Variants in SLC12A1 observed in about 807,000 individuals in gnomAD.
SLC12A1 encodes the protein solute carrier family 12 member 1, also known as Na-K-2Cl cotransporter.
In SLC12A1, 89 loss-of-function variants were observed where a neutral mutation model predicts 130.4. The ratio of observed to expected loss-of-function variants is 0.68; its 90% CI spans 0.58 to 0.81. The LOEUF is 0.81. Among genes scored for constraint, SLC12A1 ranks in the 40% least tolerant of loss-of-function variants. The pLI is 0.00. For synonymous variants in SLC12A1, 499 were observed against 460.0 expected (o/e 1.08, Z -1.09); for missense variants, 1,310 against 1,336.4 (o/e 0.98, Z 0.31).
At chr15:48,279,253 G>T (rs551047650) in intron 20 of SLC12A1, among the ~76,000 whole-genome samples, 1 of 152,146 alleles carries the variant, frequency 6.6e-6, no homozygotes, top group Non-Finnish European at 1.5e-5. Flanking sequence ...ATATTATGCT[G>T]TAATTCAGGG....
At chr15:48,245,735 T>C (rs1375859620) in intron 11 of SLC12A1, among the ~76,000 whole-genome samples, 1 of 152,240 alleles carries the variant, frequency 6.6e-6, no homozygotes, top group Non-Finnish European at 1.5e-5. Context: ...GACATACAGA[T>C]GCCTGGATCT....
chr15:48,301,709 C>A (rs113630041), intron 26 of SLC12A1, among the ~76,000 whole-genome samples: 2 of 152,022 alleles, frequency 1.3e-5, no homozygotes, highest in Admixed American at 1.3e-4. Context: ...CACAAGTCAG[C>A]GACCACAGCT....
chr15:48,225,563 A>C (rs1050685925), intron 4 of SLC12A1: 1 of 151,480 alleles, frequency 6.6e-6, no homozygotes, highest in Non-Finnish European at 1.5e-5. Context: ...TGTCTCTAAA[A>C]ATAATAATAA....
At chr15:48,296,907 T>G (rs2042182681) in intron 24 of SLC12A1, among the ~76,000 whole-genome samples, 1 of 151,880 alleles carries the variant, frequency 6.6e-6, no homozygotes. Context: ...GCAGTAAGAG[T>G]GCAAAGACAA....
chr15:48,209,929 A>G (rs1242624865), intron 2 of SLC12A1, among the ~76,000 whole-genome samples: 2 of 152,206 alleles, frequency 1.3e-5, no homozygotes, highest in African/African-American at 4.8e-5. Flanking sequence ...TAGACCTAAG[A>G]TTTAGATTTT....
intron 10 of SLC12A1, 131 bp from the exon 11 acceptor site, chr15:48,244,622 A>C: frequency 4.7e-6 from 4 of 843,364 alleles, no homozygotes; most frequent in Non-Finnish European, 7.3e-6. Context: ...TCCAGTTATC[A>C]AGAACTACTC....
At chr15:48,294,759 G>A (rs183615529) in intron 24 of SLC12A1, among the ~76,000 whole-genome samples, 2 of 152,282 alleles carry the variant, frequency 1.3e-5, no homozygotes, top group Admixed American at 1.3e-4. Context: ...CTTAGCAATA[G>A]GGCATAGCTG....
chr15:48,254,820 A>T (rs1350996188), intron 15 of SLC12A1, among the ~76,000 whole-genome samples: 1 of 151,778 alleles, frequency 6.6e-6, no homozygotes, highest in Non-Finnish European at 1.5e-5. Flanking sequence ...GCTACTCGGG[A>T]GGCTGAGGCA....
chr15:48,232,785 C>T lies in SLC12A1; in HGVS notation c.1034C>T (p.Thr345Ile). Residue 345 changes from threonine (T) to isoleucine (I), a missense_variant, in exon 8 of 27, where the codon ACT becomes ATT. Thr to Ile is a moderately conservative substitution (Grantham distance 89). Coordinates refer to ENST00000380993, the MANE Select transcript of SLC12A1 (RefSeq NM_000338.3). Reference protein sequence around the residue: ...LIAIANFFIGTVIPSNNEKKS... With the variant: ...LIAIANFFIGIVIPSNNEKKS... ...GCTATTGCAAACTTCTTCATTGGAA[C>T]TGTCATTCCATCCAACAATGAGAAA... 6.2e-7 allele frequency: 1 copy of T among 1,613,398 alleles called. No homozygotes were observed. The highest frequency in any genetic ancestry group is 8.5e-7 in the Non-Finnish European group (1 of 1,179,364).
chr15:48,238,252 T>C (rs567039608), intron 9 of SLC12A1, among the ~76,000 whole-genome samples: 146 of 152,164 alleles, frequency 9.6e-4, no homozygotes, highest in African/African-American at 3.3e-3. Context: ...CATTTGTCTA[T>C]TGAGGTTGAA....
intron 4 of SLC12A1, chr15:48,225,942 G>A (rs1313496693): frequency 3.1e-6 from 3 of 973,684 alleles, no homozygotes; most frequent in African/African-American, 3.5e-5. Flanking sequence ...GGATGTGTCA[G>A]AGGAGGTAAT....
chr15:48,210,909 G>C (rs1456357070), intron 2 of SLC12A1, among the ~76,000 whole-genome samples: 1 of 151,872 alleles, frequency 6.6e-6, no homozygotes, highest in Non-Finnish European at 1.5e-5. Context: ...CACACAGTAG[G>C]AATGTTATAG....
intron 17 of SLC12A1, among the ~76,000 whole-genome samples, chr15:48,267,006 G>C (rs1182948909): frequency 6.6e-6 from 1 of 152,166 alleles, no homozygotes; most frequent in South Asian, 2.1e-4. Context: ...TTGAATGGAA[G>C]TGTGGCAACA....
chr15:48,231,879 C>T (rs112519902), intron 7 of SLC12A1, among the ~76,000 whole-genome samples: 25 of 152,122 alleles, frequency 1.6e-4, no homozygotes, highest in African/African-American at 5.5e-4. Context: ...GCCAGGGTGG[C>T]GTATGCCTGT....
intron 8 of SLC12A1, among the ~76,000 whole-genome samples, chr15:48,233,877 T>TA (rs2041408228): frequency 1.3e-5 from 2 of 152,166 alleles, no homozygotes; most frequent in Admixed American, 6.5e-5. Flanking sequence ...TTGTTCACAT[T>TA]TTTTTCCTCT....
intron 2 of SLC12A1, among the ~76,000 whole-genome samples, chr15:48,209,309 T>C (rs979185770): frequency 6.6e-6 from 1 of 152,114 alleles, no homozygotes; most frequent in African/African-American, 2.4e-5. Context: ...TCAGGTGATC[T>C]GCCCACCTCA....
At chr15:48,263,293 C>G (rs1197931491) in intron 17 of SLC12A1, among the ~76,000 whole-genome samples, 1 of 152,144 alleles carries the variant, frequency 6.6e-6, no homozygotes, top group African/African-American at 2.4e-5. Flanking sequence ...TCATTATTGT[C>G]CAAAAACACG....
chr15:48,255,092 A>G, intron 15 of SLC12A1, among the ~76,000 whole-genome samples: 1 of 152,212 alleles, frequency 6.6e-6, no homozygotes, highest in Admixed American at 6.5e-5. Flanking sequence ...TATTCAAAAT[A>G]TAAAGATTAC....
chr15:48,251,862 G>A (rs1345614681), intron 15 of SLC12A1, 92 bp downstream of exon 15: 1 of 1,090,058 alleles, frequency 9.2e-7, no homozygotes, highest in Non-Finnish European at 1.4e-6. Context: ...ATGGGCTTAG[G>A]TGAGGCATAT....
Sources: gnomAD v4.1 joint callset for allele counts (sites outside exome capture counted in the v4.1 genomes callset) on GRCh38, gnomAD v4.1.1 for gene constraint, MANE v1.5 for transcripts, NCBI Gene and HGNC (gene_info 2026-07-23, HGNC 2026-07-21) for gene names.